The following PRKCQ variants were observed in gnomAD, a reference collection of about 807,000 sequenced individuals.
PRKCQ encodes protein kinase C theta type.
Under a neutral mutation model 91.2 loss-of-function variants are expected in PRKCQ, and 41 were observed. The ratio of observed to expected loss-of-function variants is 0.45; its 90% CI spans 0.35 to 0.58. The LOEUF (loss-of-function observed/expected upper bound fraction) is 0.58. PRKCQ is among the 20% of genes least tolerant of loss of function. The probability of loss-of-function intolerance (pLI) is 0.00; values close to 1 mark genes in which losing one functional copy is unlikely to be tolerated. For missense variants in PRKCQ, 673 were observed against 896.5 expected (o/e 0.75, Z 3.18); for synonymous variants, 307 against 316.9 (o/e 0.97, Z 0.33).
chr10:6,469,546 TA>T (rs1444686826), intron 12 of PRKCQ, among the ~76,000 whole-genome samples: 2 of 152,202 alleles, frequency 1.3e-5, no homozygotes, highest in Admixed American at 6.5e-5. Context: ...GTCTAAGGTT[TA>T]GGACATGGAA....
At chr10:6,512,315 A>G (rs1588362334) in intron 2 of PRKCQ, 1 of 152,214 alleles carries the variant, frequency 6.6e-6, no homozygotes, top group Non-Finnish European at 1.5e-5. Flanking sequence ...GCTGATCTTT[A>G]CCCATGGAGC....
In PRKCQ at chr10:6,427,672, C is replaced by A; in HGVS notation, c.*535G>T. On this transcript the variant is annotated 3_prime_UTR_variant, in exon 18 of 18. Transcript: ENST00000263125. The stretch of plus-strand genomic sequence containing the variant: ...AAGCTATGTTTATTGTAAAGAATTC[C>A]CATAAAAACCTATCCAGGGCTGGCC... The A allele has an allele frequency of 6.5e-6, 1 of 153,206 alleles. No homozygotes were observed. The highest frequency in any genetic ancestry group is 1.5e-5 in the Non-Finnish European group (1 of 68,662). 9.5% of individuals were successfully genotyped at this position (153,206 alleles called of 1,614,324 possible).
chr10:6,464,273 A>G (rs112192329), intron 13 of PRKCQ, 40 bp downstream of exon 13: 1 of 1,556,878 alleles, frequency 6.4e-7, no homozygotes, highest in Admixed American at 1.8e-5. Context: ...AGAACTGACA[A>G]GAACAGTGGA....
chr10:6,405,372 C>T, the PRKCQ span, among the ~76,000 whole-genome samples: 2,354 of 152,306 alleles, frequency 0.015, 69 homozygotes, highest in African/African-American at 0.054. Flanking sequence ...GTGCACTGGG[C>T]AGCTCTCCGT....
At chr10:6,405,491 A>G in the PRKCQ span, among the ~76,000 whole-genome samples, 1 of 152,156 alleles carries the variant, frequency 6.6e-6, no homozygotes, top group African/African-American at 2.4e-5. Flanking sequence ...CACCCATGAC[A>G]ATAACTTACG....
intron 15 of PRKCQ, among the ~76,000 whole-genome samples, chr10:6,445,121 C>CAAAAAAAA (rs61291267): frequency 1.0e-4 from 11 of 105,410 alleles, no homozygotes; most frequent in Non-Finnish European, 1.4e-4. Flanking sequence ...AAGACTCTGT[C>CAAAAAAAA]AAAAAAAAAA....
Position 6,441,893 on chromosome 10 carries a change from C to G in PRKCQ, c.1836G>C (p.Lys612Asn). 1 of 1,598,930 alleles carries G rather than the reference C, an allele frequency of 6.3e-7. No individual in the cohort carries two copies. The highest frequency in any genetic ancestry group is 1.1e-5 in the South Asian group (1 of 90,514). ...AGACGCTCTTGGCTTCGCTTCTTACCTTCACCAGAAGGTCCTTTGCTTCCT... is the reference window on the plus strand; with the variant it reads ...AGACGCTCTTGGCTTCGCTTCTTACGTTCACCAGAAGGTCCTTTGCTTCCT... The part of the protein sequence containing the change: ...LEKEAKDLLV[K>N]LFVREPEKRL... The change falls in exon 16 of 18, where the codon AAG becomes AAC. Residue 612 changes from lysine to asparagine, a missense_variant and splice_region_variant. Transcript: ENST00000263125.
intron 4 of PRKCQ, among the ~76,000 whole-genome samples, chr10:6,499,887 A>C (rs1234935791): frequency 1.3e-5 from 2 of 152,202 alleles, no homozygotes; most frequent in Non-Finnish European, 2.9e-5. Context: ...GTGTGGGTAG[A>C]AACCTCCCCC....
At chr10:6,483,638 G>A in intron 10 of PRKCQ, 38 bp from the exon 11 acceptor site, 3 of 1,606,660 alleles carry the variant, frequency 1.9e-6, no homozygotes, top group Non-Finnish European at 1.7e-6. Flanking sequence ...TGAACATGGA[G>A]TAATGGAGGT....
intron 1 of PRKCQ, among the ~76,000 whole-genome samples, chr10:6,541,335 C>G (rs181719051): frequency 4.1e-4 from 63 of 152,360 alleles, no homozygotes; most frequent in African/African-American, 1.5e-3. Context: ...CTGCATTCTA[C>G]TGACCCTTTG....
At chr10:6,398,753 T>C in the PRKCQ span, among the ~76,000 whole-genome samples, 1 of 151,966 alleles carries the variant, frequency 6.6e-6, no homozygotes, top group African/African-American at 2.4e-5. Context: ...TTTTTCTTTT[T>C]TTTTCTCTTT....
chr10:6,474,911 A>G (rs1462700012), intron 12 of PRKCQ, among the ~76,000 whole-genome samples: 5 of 152,178 alleles, frequency 3.3e-5, no homozygotes, highest in Admixed American at 6.5e-5. Flanking sequence ...GGTACTGAGA[A>G]GGGATCGTGC....
chr10:6,505,452 C>T (rs995231450), intron 4 of PRKCQ, among the ~76,000 whole-genome samples: 1 of 150,902 alleles, frequency 6.6e-6, no homozygotes, highest in African/African-American at 2.4e-5. Context: ...TTCTTTCTTT[C>T]TTTTGAAGGA....
intron 14 of PRKCQ, among the ~76,000 whole-genome samples, chr10:6,459,740 C>G (rs1396000838): frequency 6.6e-6 from 1 of 152,224 alleles, no homozygotes; most frequent in Non-Finnish European, 1.5e-5. Flanking sequence ...CAAGGAATGC[C>G]TGCAGCCACC....
intron 8 of PRKCQ, among the ~76,000 whole-genome samples, chr10:6,490,245 G>A (rs538632153): frequency 1.3e-5 from 2 of 152,140 alleles, no homozygotes; most frequent in East Asian, 3.9e-4. Context: ...AGGTCGCTCT[G>A]GGTTCCACCA....
At chr10:6,488,820 C>A (rs1321390538) in intron 8 of PRKCQ, among the ~76,000 whole-genome samples, 1 of 152,118 alleles carries the variant, frequency 6.6e-6, no homozygotes, top group Non-Finnish European at 1.5e-5. Context: ...TGCTCTGTTG[C>A]CCAGGCTGGA....
At chr10:6,514,079 T>C (rs2026430) in intron 2 of PRKCQ, among the ~76,000 whole-genome samples, 60,915 of 152,078 alleles carry the variant, frequency 0.4, 14,827 homozygotes, top group Admixed American at 0.56. Flanking sequence ...TTTCCCTCTA[T>C]GCTCTGGTCC....
chr10:6,440,354 T>A (rs1012538595), intron 16 of PRKCQ, among the ~76,000 whole-genome samples: 3 of 152,224 alleles, frequency 2.0e-5, no homozygotes, highest in African/African-American at 7.2e-5. Context: ...CTGGACTGAA[T>A]GCCTGTATCT....
rs1398088101 is a variant in PRKCQ, at chr10:6,553,505, A to ATAAAAAT, written c.-10+26705_-10+26706insATTTTTA. Among the ~76,000 whole-genome samples, 868 of 134,360 alleles carry ATAAAAAT rather than the reference A, an allele frequency of 6.5e-3. 25 individuals are homozygous for ATAAAAAT. Among genetic ancestry groups the ATAAAAAT allele is most frequent in the East Asian group, 0.055 (242 of 4,390 alleles). The allele number at this position is 134,360 out of a possible 152,430, so 88.1% of individuals were successfully genotyped here. A position where few individuals can be genotyped will look rare whatever the true frequency, so the allele number is the denominator to read the frequency against. On this transcript the variant is annotated intron_variant, in intron 1 of 17. Transcript: ENST00000263125. ...ACCCTGTCTCAAAAAAAAAAAAAAA[A>ATAAAAAT]AAAAAAAAAAAACAAACAAACAAAA...
Sources: gnomAD v4.1 joint callset for allele counts (sites outside exome capture counted in the v4.1 genomes callset) on GRCh38, gnomAD v4.1.1 for gene constraint, MANE v1.5 for transcripts, NCBI Gene and HGNC (gene_info 2026-07-23, HGNC 2026-07-21) for gene names.